CLIP4: variants seen among roughly 807,000 people sequenced by gnomAD.
CLIP4 encodes the protein CAP-Gly domain containing linker protein family member 4.
In CLIP4, 47 loss-of-function variants were observed where a neutral mutation model predicts 73.1. The observed-to-expected ratio is 0.64, with a 90% CI of 0.51 to 0.82. The LOEUF is 0.82. Ranked by LOEUF, CLIP4 falls within the 40% of genes least tolerant of loss-of-function variation. CLIP4 has a pLI of 0.00. For synonymous variants in CLIP4, 306 were observed against 295.4 expected, an observed-to-expected ratio of 1.04 and a Z score of -0.37; for missense variants, 874 against 852.9, an observed-to-expected ratio of 1.02 and a Z score of -0.31.
intron 13 of CLIP4, among the ~76,000 whole-genome samples, chr2:29,166,995 A>C (rs935362643): frequency 5.3e-5 from 8 of 152,204 alleles, no homozygotes; most frequent in Non-Finnish European, 8.8e-5. Flanking sequence ...AGTGACCTTT[A>C]TAATTGTGGC....
chr2:29,149,537 T>C (rs1666405792), intron 8 of CLIP4, among the ~76,000 whole-genome samples: 2 of 151,992 alleles, frequency 1.3e-5, no homozygotes, highest in Non-Finnish European at 2.9e-5. Flanking sequence ...AAATTTGTTA[T>C]TTTTGTCTTT....
Position 29,170,858 on chromosome 2 carries a change from CT to C in CLIP4, c.1723+3324del, listed in dbSNP as rs1359831422. On this transcript the variant is annotated intron_variant, in intron 14 of 15. Coordinates refer to ENST00000320081, the MANE Select transcript of CLIP4 (RefSeq NM_024692.6). ...GAGTATTAGGTGTTGAAAAGACTGT[CT>C]TTTTTCCATTGAATTGCCTTTGCTC... Among the ~76,000 whole-genome samples, 6 of 151,842 alleles carry C rather than the reference CT, an allele frequency of 4.0e-5. No homozygotes were observed. In the South Asian group the frequency reaches 1.3e-3, roughly 32 times the overall value.
At position 29,135,565 on chromosome 2, in the gene CLIP4, A is replaced by G. The variant is rs1254521296; in HGVS notation, c.547A>G (p.Ser183Gly). 2 of 1,608,360 alleles carry G rather than the reference A, an allele frequency of 1.2e-6. No individual in the cohort carries two copies. Among genetic ancestry groups the G allele is most frequent in the East Asian group, 4.5e-5 (2 of 44,542 alleles). ...AATTGCAGATGTGGATGCCACTTGC[A>G]GTGATTTTAATTTTGGAACAGCTTT... ...SKPKDVDATC[S>G]DFNFGTALHI... The change falls in exon 6 of 16, where the codon AGT (serine) becomes GGT (glycine). Residue 183 changes from serine to glycine, a missense_variant. By Grantham distance (56) the Ser-to-Gly change is moderately conservative. Transcript: ENST00000320081.
chr2:29,142,513 A>G (rs182026638), intron 6 of CLIP4, among the ~76,000 whole-genome samples: 208 of 152,276 alleles, frequency 1.4e-3, no homozygotes, highest in African/African-American at 4.5e-3. Flanking sequence ...AGTATACATT[A>G]GTGTAACACA....
intron 4 of CLIP4, 160 bp downstream of exon 4, chr2:29,132,405 A>T (rs1019422553): frequency 1.6e-6 from 1 of 620,300 alleles, no homozygotes; most frequent in Non-Finnish European, 2.8e-6. Flanking sequence ...CAAAAACCAT[A>T]TTCCCTTTAA....
chr2:29,182,004 C>A lies in CLIP4; in HGVS notation c.*111C>A. ...ATTAAAATTTTGAAAATATAGTTAT[C>A]TTCTTAAAAACCATTATAACAATTC... On this transcript the variant is annotated 3_prime_UTR_variant, in exon 16 of 16. Coordinates refer to ENST00000320081, the MANE Select transcript of CLIP4 (RefSeq NM_024692.6). The A allele has an allele frequency of 1.1e-6, 1 of 875,044 alleles. No individual in the cohort carries two copies. Among genetic ancestry groups the A allele is most frequent in the Non-Finnish European group, 1.7e-6 (1 of 592,742 alleles). The allele number at this position is 875,044 out of a possible 1,614,324, so 54.2% of individuals were successfully genotyped here.
chr2:29,099,820 C>T (rs886752569), intron 1 of CLIP4, among the ~76,000 whole-genome samples: 2 of 152,186 alleles, frequency 1.3e-5, no homozygotes. Context: ...TCTTCTGATC[C>T]ACAAACATGA....
chr2:29,104,943 G>C (rs1449267530), intron 1 of CLIP4, among the ~76,000 whole-genome samples: 1 of 152,178 alleles, frequency 6.6e-6, no homozygotes, highest in African/African-American at 2.4e-5. Context: ...TCAGCACCTT[G>C]CTGGATGGGA....
chr2:29,173,135 G>T (rs568940842), intron 14 of CLIP4, among the ~76,000 whole-genome samples: 1 of 152,296 alleles, frequency 6.6e-6, no homozygotes, highest in South Asian at 2.1e-4. Flanking sequence ...GGCCTGGGTT[G>T]ATGCTTCCAG....
chr2:29,149,742 AAG>A (rs1666422474), intron 8 of CLIP4, among the ~76,000 whole-genome samples: 1 of 149,712 alleles, frequency 6.7e-6, no homozygotes, highest in Admixed American at 6.7e-5. Context: ...AAAAAAAAAA[AAG>A]AAGAATGCAA....
chr2:29,149,163 C>T (rs3100228), intron 8 of CLIP4, among the ~76,000 whole-genome samples: 71,636 of 151,956 alleles, frequency 0.47, 17,892 homozygotes, highest in Non-Finnish European at 0.55. Flanking sequence ...AGCAGATGGA[C>T]GTGGCTACGG....
intron 5 of CLIP4, among the ~76,000 whole-genome samples, chr2:29,135,119 T>C (rs1665256364): frequency 6.6e-6 from 1 of 152,150 alleles, no homozygotes; most frequent in Non-Finnish European, 1.5e-5. Context: ...AATAAAACTT[T>C]ATAAAAACAG....
Position 29,163,935 on chromosome 2 carries a change from C to T in CLIP4, c.1639C>T (p.Pro547Ser), listed in dbSNP as rs1208638129. 3 of 1,613,020 alleles carry T rather than the reference C, an allele frequency of 1.9e-6. No homozygotes were observed. Among genetic ancestry groups the T allele is most frequent in the Non-Finnish European group, 2.5e-6 (3 of 1,179,302 alleles). ...SCSPRYGIFA[P>S]PSRVQRVTDS... ...TTCTCCAAGATATGGAATATTTGCT[C>T]CCCCATCCAGGGTGCAAAGGTGAGA... is the stretch of plus-strand genomic sequence containing the variant. The change falls in exon 13 of 16, where the codon CCC becomes TCC. Residue 547 changes from proline to serine, a missense_variant. By Grantham distance (74) the Pro-to-Ser change is moderately conservative. Coordinates refer to ENST00000320081, the MANE Select transcript of CLIP4 (RefSeq NM_024692.6).
intron 9 of CLIP4, 28 bp downstream of exon 9, chr2:29,152,856 T>C (rs1045000119): frequency 6.2e-7 from 1 of 1,601,522 alleles, no homozygotes; most frequent in Non-Finnish European, 8.5e-7. Flanking sequence ...GTTAACCATC[T>C]GCTTCAGTGT....
chr2:29,149,025 G>A (rs550789344), intron 8 of CLIP4, among the ~76,000 whole-genome samples: 1 of 152,342 alleles, frequency 6.6e-6, no homozygotes, highest in South Asian at 2.1e-4. Flanking sequence ...CTCAGGTAGA[G>A]TTTGACAGAC....
chr2:29,111,027 G>A (rs1668374387), upstream of CLIP4, among the ~76,000 whole-genome samples: 1 of 152,142 alleles, frequency 6.6e-6, no homozygotes, highest in South Asian at 2.1e-4. Context: ...CCTAGTGAAT[G>A]AGAAACTGAC....
At chr2:29,143,986 T>A in intron 7 of CLIP4, 41 bp downstream of exon 7, 1 of 1,541,474 alleles carries the variant, frequency 6.5e-7, no homozygotes, top group Non-Finnish European at 8.9e-7. Flanking sequence ...AGGGTTGTTA[T>A]GTCCATGACC....
At chr2:29,131,664 A>G (rs1272327000) in intron 3 of CLIP4, 1 of 297,314 alleles carries the variant, frequency 3.4e-6, no homozygotes, top group Non-Finnish European at 6.1e-6. Context: ...TGTAAAATTA[A>G]TTTTGTAAAC....
At chr2:29,101,289 C>CA (rs1668038825) in intron 1 of CLIP4, among the ~76,000 whole-genome samples, 1 of 147,572 alleles carries the variant, frequency 6.8e-6, no homozygotes, top group African/African-American at 2.5e-5. Flanking sequence ...TTTTTTTTCC[C>CA]CCCCCCAAAA....
Sources: allele counts gnomAD v4.1 joint callset (sites outside exome capture counted in the v4.1 genomes callset), GRCh38; gene constraint gnomAD v4.1.1; transcripts MANE v1.5; gene names NCBI Gene and HGNC (gene_info 2026-07-23, HGNC 2026-07-21).